POU6F2: variants seen among roughly 807,000 people sequenced by gnomAD.
POU6F2 encodes the protein POU domain, class 6, transcription factor 2.
Under a neutral mutation model 71.3 loss-of-function variants are expected in POU6F2, and 31 were observed. The ratio of observed to expected loss-of-function variants is 0.43; its 90% CI spans 0.33 to 0.59. POU6F2 has a LOEUF of 0.59. Among genes scored for constraint, POU6F2 ranks in the 20% least tolerant of loss-of-function variants. The pLI is 0.04. For missense variants in POU6F2, 783 were observed against 856.8 expected (o/e 0.91, Z 1.07); for synonymous variants, 347 against 355.7 (o/e 0.98, Z 0.27).
At chr7:39,120,924 T>C (rs1480919980) in intron 2 of POU6F2, 1 of 152,232 alleles carries the variant, frequency 6.6e-6, no homozygotes, top group African/African-American at 2.4e-5. Flanking sequence ...GTATTCTTGG[T>C]GGCTCTTTCT....
chr7:39,301,476 G>A (rs1054698915), intron 4 of POU6F2, among the ~76,000 whole-genome samples: 4 of 152,126 alleles, frequency 2.6e-5, no homozygotes, highest in African/African-American at 4.8e-5. Flanking sequence ...GCTGTTACCC[G>A]TAGATCACAC....
chr7:39,062,115 C>T (rs887533055), intron 1 of POU6F2, among the ~76,000 whole-genome samples: 25 of 152,084 alleles, frequency 1.6e-4, no homozygotes, highest in South Asian at 4.1e-4. Context: ...GGATACTACA[C>T]GTGTAGCTTG....
chr7:39,127,969 A>G (rs1327286672), intron 2 of POU6F2, among the ~76,000 whole-genome samples: 1 of 151,222 alleles, frequency 6.6e-6, no homozygotes, highest in African/African-American at 2.4e-5. Context: ...CAGCCTCCCA[A>G]GTAGCTGGGA....
intron 5 of POU6F2, among the ~76,000 whole-genome samples, chr7:39,385,520 G>A (rs1361079819): frequency 6.6e-6 from 1 of 152,170 alleles, no homozygotes; most frequent in African/African-American, 2.4e-5. Flanking sequence ...TGCTCAGAGT[G>A]GTCAGAGCAT....
At chr7:39,456,369 A>G (rs1227696668) in intron 8 of POU6F2, among the ~76,000 whole-genome samples, 1 of 152,166 alleles carries the variant, frequency 6.6e-6, no homozygotes, top group Non-Finnish European at 1.5e-5. Context: ...ATTTATCACA[A>G]TCACCTCTTA....
intron 1 of POU6F2, among the ~76,000 whole-genome samples, chr7:38,995,862 A>G (rs1019795997): frequency 1.3e-5 from 2 of 152,202 alleles, no homozygotes; most frequent in East Asian, 1.9e-4. Context: ...CTACATGTAC[A>G]TGAGTTAATC....
intron 5 of POU6F2, among the ~76,000 whole-genome samples, chr7:39,398,598 A>C (rs1177261633): frequency 2.0e-5 from 3 of 152,170 alleles, no homozygotes; most frequent in African/African-American, 7.2e-5. Context: ...AAGGTAGTCA[A>C]GGAAGGTGGC....
At chr7:39,311,787 G>A (rs112909822) in intron 4 of POU6F2, among the ~76,000 whole-genome samples, 11 of 152,012 alleles carry the variant, frequency 7.2e-5, no homozygotes, top group African/African-American at 2.7e-4. Flanking sequence ...GTATGCAAAG[G>A]GCAAATGAAG....
At chr7:39,138,502 T>C (rs1444893651) in intron 2 of POU6F2, among the ~76,000 whole-genome samples, 3 of 152,148 alleles carry the variant, frequency 2.0e-5, no homozygotes, top group African/African-American at 4.8e-5. Flanking sequence ...TAGATTCTCA[T>C]AGGAGCACAA....
chr7:39,429,610 C>T (rs1387325700), intron 6 of POU6F2, among the ~76,000 whole-genome samples: 3 of 152,132 alleles, frequency 2.0e-5, no homozygotes, highest in Non-Finnish European at 4.4e-5. Context: ...TGCAGGAATC[C>T]TCGGCATTTC....
intron 4 of POU6F2, among the ~76,000 whole-genome samples, chr7:39,233,672 G>C (rs1794619229): frequency 2.6e-5 from 4 of 152,110 alleles, no homozygotes; most frequent in African/African-American, 2.4e-5. Flanking sequence ...AATGCCACTG[G>C]CCAGAGTCCT....
chr7:39,314,003 C>T (rs934622348), intron 4 of POU6F2, among the ~76,000 whole-genome samples: 1 of 152,166 alleles, frequency 6.6e-6, no homozygotes, highest in African/African-American at 2.4e-5. Flanking sequence ...ACTTCTTCTG[C>T]TTTGAGATTC....
chr7:39,445,523 C>A (rs527785232), intron 7 of POU6F2, among the ~76,000 whole-genome samples: 1 of 152,318 alleles, frequency 6.6e-6, no homozygotes, highest in East Asian at 1.9e-4. Flanking sequence ...CTCATCCATT[C>A]TTTGGGGTCT....
chr7:38,990,916 T>C (rs1788587614), intron 1 of POU6F2, among the ~76,000 whole-genome samples: 1 of 152,084 alleles, frequency 6.6e-6, no homozygotes. Context: ...GGATACGAGT[T>C]GGAGATTTTG....
At chr7:39,432,395 A>G (rs1008269378) in intron 6 of POU6F2, among the ~76,000 whole-genome samples, 2 of 152,200 alleles carry the variant, frequency 1.3e-5, no homozygotes, top group South Asian at 4.1e-4. Flanking sequence ...GAGTTTCAAA[A>G]GCTTGTTTAT....
At chr7:38,978,806 A>G (rs1271780191) in intron 1 of POU6F2, among the ~76,000 whole-genome samples, 1 of 152,162 alleles carries the variant, frequency 6.6e-6, no homozygotes, top group African/African-American at 2.4e-5. Context: ...AGGCCTCACA[A>G]GCTGATTTTT....
intron 4 of POU6F2, among the ~76,000 whole-genome samples, chr7:39,304,492 C>T (rs545195319): frequency 4.6e-5 from 7 of 152,152 alleles, no homozygotes; most frequent in African/African-American, 1.4e-4. Flanking sequence ...TCTCCAAAAT[C>T]CTGACCCCAA....
chr7:39,222,651 T>A (rs1794392650), intron 4 of POU6F2, among the ~76,000 whole-genome samples: 1 of 152,232 alleles, frequency 6.6e-6, no homozygotes, highest in Non-Finnish European at 1.5e-5. Context: ...AGAAGTGGAA[T>A]CATATAGTAT....
chr7:39,411,301 C>T (rs905541498), intron 6 of POU6F2, among the ~76,000 whole-genome samples: 1 of 152,166 alleles, frequency 6.6e-6, no homozygotes, highest in Non-Finnish European at 1.5e-5. Context: ...TCGATTTGTT[C>T]AGCTATAGAA....
Sources: allele counts gnomAD v4.1 joint callset (sites outside exome capture counted in the v4.1 genomes callset), GRCh38; gene constraint gnomAD v4.1.1; transcripts MANE v1.5; gene names NCBI Gene and HGNC (gene_info 2026-07-23, HGNC 2026-07-21).